KLF13: variants seen among roughly 807,000 people sequenced by gnomAD.
The protein encoded by KLF13 is Krueppel-like factor 13.
KLF13 carries 8 observed loss-of-function variants against 16.7 expected under a neutral mutation model. The ratio of observed to expected loss-of-function variants is 0.48; its 90% CI spans 0.28 to 0.87. KLF13 has a LOEUF of 0.87. Among genes scored for constraint, KLF13 ranks in the 40% least tolerant of loss-of-function variants. KLF13 has a pLI of 0.10. For missense variants in KLF13, 447 were observed against 452.2 expected (o/e 0.99, Z 0.10); for synonymous variants, 245 against 208.4 (o/e 1.18, Z -1.51).
At chr15:31,380,050 C>G (rs2039705611), downstream of KLF13, among the ~76,000 whole-genome samples, 1 of 152,186 alleles carries the variant, frequency 6.6e-6, no homozygotes, top group Non-Finnish European at 1.5e-5. Flanking sequence ...GTAATCCCAG[C>G]ACTCTGGGGG....
At chr15:31,432,379 T>TTCCCTCCC (rs549120132) in intron 1 of KLF13, among the ~76,000 whole-genome samples, 2 of 150,958 alleles carry the variant, frequency 1.3e-5, no homozygotes, top group African/African-American at 4.9e-5. Context: ...CTCTGTCTCC[T>TTCCCTCCC]TCCCTCCCTC....
At chr15:31,346,820 A>G (rs554685300) in intron 1 of KLF13, among the ~76,000 whole-genome samples, 2 of 152,310 alleles carry the variant, frequency 1.3e-5, no homozygotes, top group South Asian at 2.1e-4. Context: ...ATTGGCCTGC[A>G]GGCCAGGTTC....
chr15:31,327,431 G>T lies in KLF13; in HGVS notation c.219G>T (p.Gln73His). The T allele has an allele frequency of 2.6e-6, 3 of 1,171,732 alleles. No individual in the cohort carries two copies. Among genetic ancestry groups the T allele is most frequent in the Non-Finnish European group, 3.2e-6 (3 of 948,910 alleles). 72.6% of individuals were successfully genotyped at this position (1,171,732 alleles called of 1,614,324 possible). Residue 73 changes from glutamine to histidine, a missense_variant, in exon 1 of 2, where the codon CAG becomes CAT. Transcript: ENST00000307145. ...CGCGGATCCTAGCGGACCTCAACCAGCAAGCGCCGGCGCCCGCCCCGGCGG... is the reference window on the plus strand; with the variant it reads ...CGCGGATCCTAGCGGACCTCAACCATCAAGCGCCGGCGCCCGCCCCGGCGG... Reference protein sequence around the residue: ...VVARILADLNQQAPAPAPAER... With the variant: ...VVARILADLNHQAPAPAPAER...
intron 2 of KLF13, among the ~76,000 whole-genome samples, chr15:31,398,997 T>A (rs1182945632): frequency 2.6e-5 from 4 of 152,162 alleles, no homozygotes; most frequent in African/African-American, 9.6e-5. Flanking sequence ...ATCCTGTGTG[T>A]CCCTGGCAGA....
chr15:31,343,764 T>C (rs1315352620), intron 1 of KLF13, among the ~76,000 whole-genome samples: 1 of 152,226 alleles, frequency 6.6e-6, no homozygotes, highest in East Asian at 1.9e-4. Context: ...TGAGTCCTGA[T>C]GTGGGGATGT....
At chr15:31,335,479 G>GTGT (rs1555373645) in intron 1 of KLF13, among the ~76,000 whole-genome samples, 22 of 139,616 alleles carry the variant, frequency 1.6e-4, no homozygotes, top group African/African-American at 2.6e-4. Flanking sequence ...GTGTGTGTAT[G>GTGT]GTGGCGGGGC....
intron 1 of KLF13, among the ~76,000 whole-genome samples, chr15:31,339,442 G>A (rs1325994836): frequency 6.6e-6 from 1 of 152,188 alleles, no homozygotes; most frequent in African/African-American, 2.4e-5. Flanking sequence ...CCCCACTGCC[G>A]ACAGCTGGCA....
intron 2 of KLF13, among the ~76,000 whole-genome samples, chr15:31,399,010 G>A (rs890328903): frequency 8.5e-5 from 13 of 152,180 alleles, no homozygotes; most frequent in Admixed American, 6.5e-4. Flanking sequence ...CTGGCAGAGT[G>A]CGAGCCCCTT....
intron 1 of KLF13, among the ~76,000 whole-genome samples, chr15:31,361,101 C>T (rs2039376526): frequency 6.6e-6 from 1 of 152,216 alleles, no homozygotes; most frequent in South Asian, 2.1e-4. Flanking sequence ...CTCAGGCCCA[C>T]ATGCCCCCAG....
chr15:31,330,353 C>G (rs778564044), intron 1 of KLF13, among the ~76,000 whole-genome samples: 4 of 152,190 alleles, frequency 2.6e-5, no homozygotes, highest in Non-Finnish European at 5.9e-5. Context: ...GCCCCACTTC[C>G]CGCATTTCCA....
intron 1 of KLF13, among the ~76,000 whole-genome samples, chr15:31,365,642 TG>T (rs1466363019): frequency 7.5e-6 from 1 of 132,826 alleles, no homozygotes; most frequent in Non-Finnish European, 1.6e-5. Flanking sequence ...TGTGGGGGGT[TG>T]GGGGGGAGTT....
At position 31,422,138 on chromosome 15, in the gene KLF13, A is replaced by AC. The variant is rs71110874; in HGVS notation, n.118-13232_118-13231insC. ...TCAAAAACAAACAAACAAACAAAAA[A>AC]AAAAAAAAAAGAAAAAAGAAATAGA... On this transcript the variant is annotated intron_variant and non_coding_transcript_variant, in intron 1 of 1. Transcript: ENST00000558225. Among the ~76,000 whole-genome samples, 25 of 128,870 alleles carry AC rather than the reference A, an allele frequency of 1.9e-4. 1 individual carries two copies. Among genetic ancestry groups the AC allele is most frequent in the Admixed American group, 1.1e-3 (13 of 11,532 alleles). The allele number at this position is 128,870 out of a possible 152,430, so 84.5% of individuals were successfully genotyped here.
intron 1 of KLF13, among the ~76,000 whole-genome samples, chr15:31,387,071 T>C (rs929418118): frequency 6.6e-6 from 1 of 152,242 alleles, no homozygotes; most frequent in Non-Finnish European, 1.5e-5. Context: ...GCTGTGAACA[T>C]TGTTGAAATG....
chr15:31,333,971 G>A (rs2038882442), intron 1 of KLF13, among the ~76,000 whole-genome samples: 1 of 152,130 alleles, frequency 6.6e-6, no homozygotes, highest in Admixed American at 6.6e-5. Context: ...GAGGGCATGG[G>A]ATATTAGCCT....
intron 1 of KLF13, among the ~76,000 whole-genome samples, chr15:31,335,630 T>C (rs1433713633): frequency 6.6e-6 from 1 of 152,156 alleles, no homozygotes; most frequent in East Asian, 1.9e-4. Flanking sequence ...GTTCTCCATT[T>C]TTGAAGTTCA....
At chr15:31,433,504 C>A (rs1158198566) in intron 1 of KLF13, among the ~76,000 whole-genome samples, 2 of 152,238 alleles carry the variant, frequency 1.3e-5, no homozygotes, top group Middle Eastern at 3.4e-3. Flanking sequence ...CCACCAGGGT[C>A]CCCCCCTTCC....
At chr15:31,330,921 G>T (rs2038819737) in intron 1 of KLF13, among the ~76,000 whole-genome samples, 3 of 152,216 alleles carry the variant, frequency 2.0e-5, no homozygotes, top group Admixed American at 2.0e-4. Flanking sequence ...GGAACCTGAG[G>T]TGCTTTGATG....
intron 1 of KLF13, among the ~76,000 whole-genome samples, chr15:31,357,026 T>C (rs2039311130): frequency 6.6e-6 from 1 of 152,250 alleles, no homozygotes; most frequent in Admixed American, 6.5e-5. Context: ...TTTCATATTT[T>C]TTCCCTCTTA....
intron 1 of KLF13, chr15:31,339,802 G>T: frequency 1.6e-6 from 1 of 619,950 alleles, no homozygotes; most frequent in Non-Finnish European, 2.9e-6. Flanking sequence ...GCTGCGCCCA[G>T]TGGATGTCCT....
Sources: allele counts gnomAD v4.1 joint callset (sites outside exome capture counted in the v4.1 genomes callset), GRCh38; gene constraint gnomAD v4.1.1; transcripts MANE v1.5; gene names NCBI Gene and HGNC (gene_info 2026-07-23, HGNC 2026-07-21).